Variants in SNX4 observed in about 807,000 individuals in gnomAD.
The protein encoded by SNX4 is sorting nexin-4.
Under a neutral mutation model 70.8 loss-of-function variants are expected in SNX4, and 49 were observed. The ratio of observed to expected loss-of-function variants is 0.69; its 90% CI spans 0.55 to 0.88. The LOEUF (loss-of-function observed/expected upper bound fraction) is 0.88, where lower values mean the gene tolerates loss of function less well. SNX4 is among the 40% of genes least tolerant of loss of function. The probability of loss-of-function intolerance (pLI) is 0.00; values close to 1 mark genes in which losing one functional copy is unlikely to be tolerated. For synonymous variants in SNX4, 206 were observed against 183.8 expected (o/e 1.12, Z -0.98); for missense variants, 528 against 544.8 (o/e 0.97, Z 0.31).
chr3:125,519,073 C>T (rs2107578247), intron 1 of SNX4, among the ~76,000 whole-genome samples: 1 of 152,044 alleles, frequency 6.6e-6, no homozygotes, highest in South Asian at 2.1e-4. Flanking sequence ...TGCCTGTAGT[C>T]CTAGCTACTC....
In SNX4 at chr3:125,487,994, G is replaced by A. The variant is rs368584868; in HGVS notation, c.653+1414C>T. Among the ~76,000 whole-genome samples, 23 of 151,986 alleles carry A rather than the reference G, an allele frequency of 1.5e-4. 1 individual carries two copies. In the South Asian group the frequency reaches 2.7e-3, roughly 18 times the overall value. The stretch of plus-strand genomic sequence containing the variant: ...TTGCTGATAATGCTGTTTCAATGTA[G>A]GTTCATCAACTGTAACAAACACAGC... On this transcript the variant is annotated intron_variant, in intron 6 of 13. Transcript: ENST00000251775.
intron 7 of SNX4, among the ~76,000 whole-genome samples, chr3:125,478,535 T>C (rs1174995158): frequency 6.6e-6 from 1 of 152,040 alleles, no homozygotes; most frequent in Admixed American, 6.5e-5. Context: ...ATATGAATCA[T>C]GACTGCTCAA....
intron 9 of SNX4, among the ~76,000 whole-genome samples, chr3:125,468,708 G>A (rs537459836): frequency 7.9e-5 from 12 of 152,076 alleles, no homozygotes; most frequent in Admixed American, 1.3e-4. Context: ...AATTAGCCAG[G>A]CGTGGTGGCA....
At position 125,495,275 on chromosome 3, in the gene SNX4, T is replaced by TATATATATATACACACACAC; in HGVS notation, c.597+2065_597+2066insGTGTGTGTGTATATATATAT. Reference sequence around the variant, plus strand: ...TTATATATATATATATATATATATATATACACATACACACACACACACGTA... The same window carrying TATATATATATACACACACAC: ...TTATATATATATATATATATATATATATATATATATACACACACACATACACATACACACACACACACGTA... On this transcript the variant is annotated intron_variant, in intron 5 of 13. Coordinates refer to ENST00000251775, the MANE Select transcript of SNX4 (RefSeq NM_003794.4). 2.3e-3 allele frequency among the ~76,000 whole-genome samples: 193 copies of TATATATATATACACACACAC among 83,066 alleles called. 1 individual carries two copies. The highest frequency in any genetic ancestry group is 3.6e-3 in the Non-Finnish European group (138 of 38,210). The allele number at this position is 83,066 out of a possible 152,430, so 54.5% of individuals were successfully genotyped here. A position where few individuals can be genotyped will look rare whatever the true frequency, so the allele number is the denominator to read the frequency against.
intron 8 of SNX4, among the ~76,000 whole-genome samples, chr3:125,475,943 C>A (rs1397733999): frequency 2.0e-5 from 3 of 151,188 alleles, no homozygotes; most frequent in Non-Finnish European, 4.4e-5. Flanking sequence ...TACACCACTG[C>A]ACTCCAGCCT....
At chr3:125,519,051 C>A (rs1191726648) in intron 1 of SNX4, among the ~76,000 whole-genome samples, 2 of 151,504 alleles carry the variant, frequency 1.3e-5, no homozygotes, top group East Asian at 3.9e-4. Context: ...TTTAGCCGTG[C>A]GTGGTGGTGT....
intron 12 of SNX4, 102 bp from the exon 13 acceptor site, chr3:125,451,521 A>G: frequency 1.3e-6 from 1 of 743,790 alleles, no homozygotes; most frequent in South Asian, 1.8e-5. Context: ...TTGCCTATGT[A>G]GAAGGAAGAG....
chr3:125,465,968 T>C (rs1051843642), intron 9 of SNX4, among the ~76,000 whole-genome samples: 4 of 152,182 alleles, frequency 2.6e-5, no homozygotes, highest in African/African-American at 9.7e-5. Flanking sequence ...ATTAGCAATT[T>C]GGGGAGAACT....
At chr3:125,476,637 G>A (rs1579988378) in intron 8 of SNX4, 58 bp downstream of exon 8, 1 of 990,214 alleles carries the variant, frequency 1.0e-6, no homozygotes. Flanking sequence ...AAGAATTATT[G>A]TTTTCAGGCA....
At chr3:125,489,005 T>G (rs886177635) in intron 6 of SNX4, among the ~76,000 whole-genome samples, 5 of 152,190 alleles carry the variant, frequency 3.3e-5, no homozygotes, top group Non-Finnish European at 7.4e-5. Context: ...GTCATATACC[T>G]TCGTGAAATT....
intron 8 of SNX4, among the ~76,000 whole-genome samples, chr3:125,470,208 G>A (rs1482505740): frequency 4.6e-5 from 7 of 152,026 alleles, no homozygotes; most frequent in East Asian, 1.9e-4. Flanking sequence ...TCTTATTTGC[G>A]TAATTTAAAG....
Position 125,516,419 on chromosome 3 carries a change from T to C in SNX4, c.141+3613A>G, listed in dbSNP as rs1935278413. Among the ~76,000 whole-genome samples, 4 of 152,054 alleles carry C rather than the reference T, an allele frequency of 2.6e-5. No homozygotes were observed. The South Asian group carries it at 6.2e-4, about 24-fold the overall frequency. ...CTACAGAAAAAGAGCTTACATAGAG[T>C]TTAAAGAATCCTGATCAGTGGTGTT... is the stretch of plus-strand genomic sequence containing the variant. On this transcript the variant is annotated intron_variant, in intron 1 of 13. Transcript: ENST00000251775.
At chr3:125,495,273 T>TATATATATATATATATATAC (rs1559821334) in intron 5 of SNX4, among the ~76,000 whole-genome samples, 2 of 72,316 alleles carry the variant, frequency 2.8e-5, no homozygotes, top group African/African-American at 8.5e-5. Context: ...TATATATATA[T>TATATATATATATATATATAC]ATATACACAT....
At chr3:125,496,957 G>A (rs928661554) in intron 5 of SNX4, among the ~76,000 whole-genome samples, 7 of 152,000 alleles carry the variant, frequency 4.6e-5, no homozygotes, top group South Asian at 2.1e-4. Context: ...AGCAACTGTC[G>A]GGGGCAGGGA....
chr3:125,451,487 G>C, intron 12 of SNX4, 68 bp from the exon 13 acceptor site: 1 of 1,120,782 alleles, frequency 8.9e-7, no homozygotes, highest in Non-Finnish European at 1.3e-6. Flanking sequence ...AAGTTAACCA[G>C]TTCTCATTGG....
At chr3:125,451,284 C>T (rs2107838431) in intron 13 of SNX4, 21 bp downstream of exon 13, 1 of 1,558,014 alleles carries the variant, frequency 6.4e-7, no homozygotes, top group Non-Finnish European at 8.8e-7. Flanking sequence ...TATATCTTCA[C>T]TGAAACAGGA....
chr3:125,497,257 A>G (rs552619071), intron 5 of SNX4, 84 bp downstream of exon 5: 57 of 763,798 alleles, frequency 7.5e-5, no homozygotes, highest in Non-Finnish European at 1.2e-4. Context: ...CATTTATTCA[A>G]TAAATACCAA....
At chr3:125,470,825 G>C (rs184077254) in intron 8 of SNX4, among the ~76,000 whole-genome samples, 1 of 152,074 alleles carries the variant, frequency 6.6e-6, no homozygotes, top group Non-Finnish European at 1.5e-5. Context: ...TTCTGTACGA[G>C]ACTTTGTTTA....
At chr3:125,489,360 A>G (rs1249055395) in intron 6 of SNX4, 48 bp downstream of exon 6, 7 of 1,336,782 alleles carry the variant, frequency 5.2e-6, no homozygotes, top group Non-Finnish European at 7.5e-6. Context: ...ATAGATTGAT[A>G]GCACCATTCA....
Sources: allele counts gnomAD v4.1 joint callset (sites outside exome capture counted in the v4.1 genomes callset), GRCh38; gene constraint gnomAD v4.1.1; transcripts MANE v1.5; gene names NCBI Gene and HGNC (gene_info 2026-07-23, HGNC 2026-07-21).